PCSK6: variants seen among roughly 807,000 people sequenced by gnomAD.
PCSK6 encodes paired basic amino acid cleaving enzyme 4.
PCSK6 carries 85 observed loss-of-function variants against 123.3 expected under a neutral mutation model. The observed-to-expected ratio is 0.69, with a 90% confidence interval of 0.58 to 0.83. The LOEUF is 0.83. Among genes scored for constraint, PCSK6 ranks in the 40% least tolerant of loss-of-function variants. The pLI, the probability that PCSK6 is intolerant of heterozygous loss-of-function variation, is 0.00. For missense variants in PCSK6, 1,191 were observed against 1,282.3 expected, an observed-to-expected ratio of 0.93 and a Z score of 1.09; for synonymous variants, 508 against 516.0, an observed-to-expected ratio of 0.98 and a Z score of 0.21.
At chr15:101,404,046 T>A (rs970289062) in intron 6 of PCSK6, among the ~76,000 whole-genome samples, 1 of 152,256 alleles carries the variant, frequency 6.6e-6, no homozygotes, top group Non-Finnish European at 1.5e-5. Context: ...TTGTTTAATT[T>A]TGCTTGTACT....
chr15:101,333,040 T>C (rs73493325), intron 13 of PCSK6, among the ~76,000 whole-genome samples: 1 of 152,220 alleles, frequency 6.6e-6, no homozygotes, highest in Admixed American at 6.5e-5. Context: ...GTTGAAAATA[T>C]CATCGAAATA....
At chr15:101,387,386 C>T (rs867221488) in intron 9 of PCSK6, among the ~76,000 whole-genome samples, 5 of 152,196 alleles carry the variant, frequency 3.3e-5, no homozygotes, top group African/African-American at 9.7e-5. Flanking sequence ...TACTCGAAGA[C>T]GGCTACAGCC....
At chr15:101,393,111 G>A (rs991989059) in intron 8 of PCSK6, 101 bp downstream of exon 8, 1 of 971,614 alleles carries the variant, frequency 1.0e-6, no homozygotes, top group Non-Finnish European at 1.6e-6. Context: ...GGAACAATCT[G>A]GCCTCAATCT....
chr15:101,446,682 G>T (rs1443491134), intron 1 of PCSK6, among the ~76,000 whole-genome samples: 1 of 152,230 alleles, frequency 6.6e-6, no homozygotes, highest in East Asian at 1.9e-4. Context: ...GCCAGCCTGT[G>T]ATGTACAGCA....
At chr15:101,329,738 T>G (rs901688776) in intron 15 of PCSK6, among the ~76,000 whole-genome samples, 26 of 152,334 alleles carry the variant, frequency 1.7e-4, no homozygotes, top group Middle Eastern at 6.8e-3. Flanking sequence ...TGAGCTGATC[T>G]CAGCCCACTC....
chr15:101,374,709 G>C (rs1356787917), intron 11 of PCSK6, among the ~76,000 whole-genome samples: 2 of 152,230 alleles, frequency 1.3e-5, no homozygotes, highest in African/African-American at 4.8e-5. Context: ...TAACGGGAGT[G>C]AATGGAATGG....
At chr15:101,454,270 A>G (rs1038483268) in intron 1 of PCSK6, among the ~76,000 whole-genome samples, 6 of 152,122 alleles carry the variant, frequency 3.9e-5, no homozygotes, top group African/African-American at 1.4e-4. Context: ...AAAAATATAT[A>G]CCTCCTGTAC....
intron 6 of PCSK6, among the ~76,000 whole-genome samples, chr15:101,407,706 G>C (rs370968312): frequency 1.5e-4 from 23 of 152,256 alleles, no homozygotes; most frequent in African/African-American, 5.1e-4. Context: ...AAGGCCTCTG[G>C]CCCGTGTCTT....
intron 1 of PCSK6, among the ~76,000 whole-genome samples, chr15:101,469,258 A>G (rs1188673103): frequency 6.6e-6 from 1 of 152,190 alleles, no homozygotes; most frequent in African/African-American, 2.4e-5. Context: ...GCCCAGAGCA[A>G]GAAAAGCTGG....
chr15:101,463,185 C>T (rs2057377461), intron 1 of PCSK6: 2 of 446,886 alleles, frequency 4.5e-6, no homozygotes, highest in South Asian at 1.6e-5. Context: ...TTCTGGTTGG[C>T]TCCTTTGCCC....
At chr15:101,394,135 T>C (rs2042324911) in intron 7 of PCSK6, among the ~76,000 whole-genome samples, 1 of 56,292 alleles carries the variant, frequency 1.8e-5, no homozygotes, top group Non-Finnish European at 3.7e-5. Flanking sequence ...TTCCGTTTTT[T>C]TGTTTTTTGT....
rs57613156 is a variant in PCSK6, at chr15:101,316,910, G to GTTTTTTTTTTTTT, written c.2569+1396_2569+1408dup. On this transcript the variant is annotated intron_variant, in intron 19 of 21. Transcript: ENST00000611716. ...ACTGGTTTAGCAGAGACTTAATTCT[G>GTTTTTTTTTTTTT]TTTTTTTTTTTTTTTTTTTGACAGA... Among the ~76,000 whole-genome samples, 228 of 114,892 alleles carry GTTTTTTTTTTTTT rather than the reference G, an allele frequency of 2.0e-3. 31 individuals are homozygous for GTTTTTTTTTTTTT. The highest frequency in any genetic ancestry group is 6.8e-3 in the African/African-American group (172 of 25,352). The allele number at this position is 114,892 out of a possible 152,430, so 75.4% of individuals were successfully genotyped here.
At chr15:101,448,460 G>C (rs2056949048) in intron 1 of PCSK6, among the ~76,000 whole-genome samples, 1 of 152,200 alleles carries the variant, frequency 6.6e-6, no homozygotes. Flanking sequence ...GTGGGGAACA[G>C]CAATTCCCCC....
At chr15:101,451,584 C>T (rs1173549930) in intron 1 of PCSK6, among the ~76,000 whole-genome samples, 1 of 152,224 alleles carries the variant, frequency 6.6e-6, no homozygotes, top group Non-Finnish European at 1.5e-5. Context: ...TTATCACTCC[C>T]AAAGCCTGCC....
At chr15:101,431,690 C>T (rs918969899) in intron 3 of PCSK6, among the ~76,000 whole-genome samples, 3 of 152,206 alleles carry the variant, frequency 2.0e-5, no homozygotes, top group African/African-American at 4.8e-5. Flanking sequence ...CCCAGGGCAT[C>T]GCCTCCCAGC....
At chr15:101,484,479 C>A (rs1439584891) in intron 1 of PCSK6, among the ~76,000 whole-genome samples, 1 of 152,234 alleles carries the variant, frequency 6.6e-6, no homozygotes, top group African/African-American at 2.4e-5. Context: ...ACCTCCACCT[C>A]CCAGGTTCAA....
At chr15:101,426,180 G>A (rs1410606389) in intron 6 of PCSK6, among the ~76,000 whole-genome samples, 2 of 152,148 alleles carry the variant, frequency 1.3e-5, no homozygotes, top group Non-Finnish European at 2.9e-5. Context: ...AAGAGGGAAG[G>A]AGGAGCTCAG....
chr15:101,373,549 C>T (rs191751599), intron 11 of PCSK6, among the ~76,000 whole-genome samples: 1 of 152,256 alleles, frequency 6.6e-6, no homozygotes. Flanking sequence ...AACCATTAAC[C>T]TAACATCCCC....
Position 101,398,632 on chromosome 15 carries a change from G to GA in PCSK6, c.824-57_824-56insT. 1 of 1,564,044 alleles carries GA rather than the reference G, an allele frequency of 6.4e-7. No homozygotes were observed. The highest frequency in any genetic ancestry group is 1.1e-5 in the South Asian group (1 of 87,312). The stretch of plus-strand genomic sequence containing the variant: ...GCCCAGGCTCCGGGCACACAGCGAC[G>GA]GGAACCCGGGCCCAGGAGGCTCGGA... On this transcript the variant is annotated intron_variant, in intron 6 of 21. Transcript: ENST00000611716. The surrounding 1 kb of genome is among the most constrained non-coding windows in gnomAD (Gnocchi z 4.6).
Sources: allele counts gnomAD v4.1 joint callset (sites outside exome capture counted in the v4.1 genomes callset), GRCh38; gene constraint gnomAD v4.1.1; non-coding constraint Gnocchi (gnomAD v3.1); transcripts MANE v1.5; gene names NCBI Gene and HGNC (gene_info 2026-07-23, HGNC 2026-07-21).